Variants in CAMK1D observed in about 807,000 individuals in gnomAD.
The protein encoded by CAMK1D is calcium/calmodulin dependent protein kinase ID, also known as calcium/calmodulin-dependent protein kinase type 1D.
Under a neutral mutation model 47.7 loss-of-function variants are expected in CAMK1D, and 9 were observed. That is an observed-to-expected ratio of 0.19 (90% CI 0.11 to 0.33). The LOEUF (loss-of-function observed/expected upper bound fraction) is 0.33. CAMK1D is among the 10% of genes least tolerant of loss of function. The pLI is 1.00. For missense variants in CAMK1D, 291 were observed against 488.7 expected (o/e 0.60, Z 3.81); for synonymous variants, 184 against 184.9 (o/e 0.99, Z 0.04).
At chr10:12,825,514 T>TA in intron 9 of CAMK1D, 59 bp from the exon 10 acceptor site, 4 of 1,515,914 alleles carry the variant, frequency 2.6e-6, no homozygotes, top group Admixed American at 1.8e-5. Flanking sequence ...AGAACACAGT[T>TA]AGAGTCTTTT....
rs61097569 is a variant in CAMK1D at position 12,766,361 on chromosome 10, C to CTTTTT, written c.439-3297_439-3293dup. Among the ~76,000 whole-genome samples, 125 of 103,330 alleles carry CTTTTT rather than the reference C, an allele frequency of 1.2e-3. 1 individual carries two copies. The highest frequency in any genetic ancestry group is 5.4e-3 in the South Asian group (16 of 2,968). The allele number at this position is 103,330 out of a possible 152,430, so 67.8% of individuals were successfully genotyped here. A position where few individuals can be genotyped will look rare whatever the true frequency, so the allele number is the denominator to read the frequency against. On this transcript the variant is annotated intron_variant, in intron 4 of 10. Transcript: ENST00000619168. Reference sequence around the variant, plus strand: ...CTGGCCAGCCCCACGTTGCCTGTTTCTTTTTTTTTTTTTTTTTTTGAGACG... The same window carrying CTTTTT: ...CTGGCCAGCCCCACGTTGCCTGTTTCTTTTTTTTTTTTTTTTTTTTTTTTGAGACG...
intron 1 of CAMK1D, among the ~76,000 whole-genome samples, chr10:12,396,762 C>A (rs1473786718): frequency 6.6e-6 from 1 of 152,228 alleles, no homozygotes; most frequent in Non-Finnish European, 1.5e-5. Context: ...CAGCTTAGCA[C>A]TTCCAGCCAC....
At position 12,828,533 on chromosome 10, in the gene CAMK1D, C is replaced by T. The variant is rs557449626; in HGVS notation, c.1040-236C>T. Among the ~76,000 whole-genome samples the T allele has an allele frequency of 6.6e-5, 10 of 152,042 alleles. No individual in the cohort carries two copies. In the East Asian group the frequency reaches 9.7e-4, roughly 15 times the overall value. The stretch of plus-strand genomic sequence containing the variant: ...GTGAGCCCCTGTAATCCCAGCTACT[C>T]GGGAGGCTGAAGCACGAGAATCGCT... On this transcript the variant is annotated intron_variant, in intron 10 of 10. Transcript: ENST00000619168.
intron 6 of CAMK1D, among the ~76,000 whole-genome samples, chr10:12,792,548 G>A (rs1838020826): frequency 1.3e-5 from 2 of 152,186 alleles, no homozygotes; most frequent in Non-Finnish European, 2.9e-5. Context: ...GCAGTGTGTG[G>A]CATCCTCTTC....
At chr10:12,566,126 C>T (rs187931468) in intron 2 of CAMK1D, among the ~76,000 whole-genome samples, 8 of 152,230 alleles carry the variant, frequency 5.3e-5, no homozygotes, top group African/African-American at 1.2e-4. Context: ...CTCCAATAGT[C>T]GTTGTAGGGA....
chr10:12,648,076 G>A (rs1335669286), intron 2 of CAMK1D, among the ~76,000 whole-genome samples: 1 of 152,178 alleles, frequency 6.6e-6, no homozygotes, highest in Non-Finnish European at 1.5e-5. Flanking sequence ...ACCTGGTAGA[G>A]GGTAGAACAT....
intron 1 of CAMK1D, among the ~76,000 whole-genome samples, chr10:12,354,779 C>T (rs1421973197): frequency 6.0e-5 from 9 of 151,170 alleles, no homozygotes; most frequent in Admixed American, 4.6e-4. Flanking sequence ...AGGGCACTTG[C>T]TTTTGTTCCC....
chr10:12,353,309 G>T (rs937790891), intron 1 of CAMK1D, among the ~76,000 whole-genome samples: 3 of 152,122 alleles, frequency 2.0e-5, no homozygotes, highest in African/African-American at 7.2e-5. Context: ...AGATACGAAG[G>T]CAGGAAAGCC....
chr10:12,552,846 A>G (rs1836629782), intron 1 of CAMK1D, among the ~76,000 whole-genome samples: 1 of 152,156 alleles, frequency 6.6e-6, no homozygotes, highest in Non-Finnish European at 1.5e-5. Context: ...AGCTCAAGCG[A>G]TTCTCCTGCC....
At chr10:12,446,637 G>T (rs1050376189) in intron 1 of CAMK1D, among the ~76,000 whole-genome samples, 7 of 152,184 alleles carry the variant, frequency 4.6e-5, no homozygotes, top group African/African-American at 1.7e-4. Flanking sequence ...TCTGGTTCCA[G>T]TGCCTCTGAC....
At chr10:12,691,454 T>C (rs1450155715) in intron 3 of CAMK1D, among the ~76,000 whole-genome samples, 41 of 123,198 alleles carry the variant, frequency 3.3e-4, no homozygotes, top group African/African-American at 1.2e-3. Context: ...TTTTTTTGAG[T>C]GAGAGTCTCG....
At chr10:12,542,567 T>G (rs1444485924) in intron 1 of CAMK1D, among the ~76,000 whole-genome samples, 1 of 152,198 alleles carries the variant, frequency 6.6e-6, no homozygotes, top group Non-Finnish European at 1.5e-5. Context: ...TCCCTGATTC[T>G]TGTTAAAAGT....
intron 6 of CAMK1D, among the ~76,000 whole-genome samples, chr10:12,801,639 T>A (rs528644111): frequency 2.6e-5 from 4 of 152,166 alleles, no homozygotes; most frequent in Non-Finnish European, 5.9e-5. Flanking sequence ...TATCTACCTA[T>A]TTATCCATCT....
intron 3 of CAMK1D, among the ~76,000 whole-genome samples, chr10:12,759,216 G>T (rs1249974227): frequency 1.3e-5 from 2 of 152,206 alleles, no homozygotes; most frequent in African/African-American, 2.4e-5. Context: ...GGGTGTGGTG[G>T]CACGTACCTG....
At chr10:12,810,523 C>T (rs560762480) in intron 6 of CAMK1D, among the ~76,000 whole-genome samples, 4 of 152,316 alleles carry the variant, frequency 2.6e-5, no homozygotes, top group South Asian at 2.1e-4. Flanking sequence ...GATCTCCTCG[C>T]CTTGGCCTCC....
At chr10:12,635,365 C>T (rs1454896310) in intron 2 of CAMK1D, among the ~76,000 whole-genome samples, 1 of 152,156 alleles carries the variant, frequency 6.6e-6, no homozygotes, top group African/African-American at 2.4e-5. Flanking sequence ...TAAACGTAGT[C>T]AATGAAGCAG....
intron 8 of CAMK1D, among the ~76,000 whole-genome samples, chr10:12,817,235 G>T (rs1396203185): frequency 6.6e-6 from 1 of 152,234 alleles, no homozygotes. Context: ...GTATGCAAAA[G>T]ATAGCTGCTT....
chr10:12,656,411 G>C (rs911187472), intron 2 of CAMK1D, among the ~76,000 whole-genome samples: 13 of 152,194 alleles, frequency 8.5e-5, no homozygotes, highest in African/African-American at 3.1e-4. Context: ...AGGATCACTT[G>C]AGCCTGGGAG....
chr10:12,768,541 G>C (rs1027480573), intron 4 of CAMK1D, among the ~76,000 whole-genome samples: 3 of 152,120 alleles, frequency 2.0e-5, no homozygotes, highest in African/African-American at 7.2e-5. Flanking sequence ...TTAAGGTTTG[G>C]TGTAAATGAC....
Sources: allele counts gnomAD v4.1 joint callset (sites outside exome capture counted in the v4.1 genomes callset), GRCh38; gene constraint gnomAD v4.1.1; transcripts MANE v1.5; gene names NCBI Gene and HGNC (gene_info 2026-07-23, HGNC 2026-07-21).